Variants in ADCY1 observed in about 807,000 individuals in gnomAD.
ADCY1 encodes the protein adenylate cyclase type 1.
ADCY1 carries 28 observed loss-of-function variants against 105.4 expected under a neutral mutation model. That is an observed-to-expected ratio of 0.27 (90% CI 0.20 to 0.36). The LOEUF (loss-of-function observed/expected upper bound fraction) is 0.36, where lower values mean the gene tolerates loss of function less well. ADCY1 is among the 10% of genes least tolerant of loss of function. The pLI is 1.00. For synonymous variants in ADCY1, 655 were observed against 623.8 expected (o/e 1.05, Z -0.75); for missense variants, 977 against 1,434.2 (o/e 0.68, Z 5.15).
chr7:45,593,895 C>T (rs1167698833), intron 2 of ADCY1, among the ~76,000 whole-genome samples: 2 of 152,138 alleles, frequency 1.3e-5, no homozygotes, highest in African/African-American at 4.8e-5. Flanking sequence ...TGTGCATTGC[C>T]GTCTATGTGA....
chr7:45,626,181 G>A (rs1584281603), intron 4 of ADCY1, among the ~76,000 whole-genome samples: 1 of 152,246 alleles, frequency 6.6e-6, no homozygotes, highest in South Asian at 2.1e-4. Context: ...GAGCACAGAA[G>A]CAGCCACAAA....
At chr7:45,610,809 GGTGGAGGT>G (rs1793538180) in intron 3 of ADCY1, among the ~76,000 whole-genome samples, 2 of 151,678 alleles carry the variant, frequency 1.3e-5, no homozygotes, top group South Asian at 2.1e-4. Flanking sequence ...GGGAGGTGAT[GGTGGAGGT>G]ATGGAGGTGA....
chr7:45,704,223 C>T (rs1280017606), intron 16 of ADCY1, among the ~76,000 whole-genome samples: 1 of 152,158 alleles, frequency 6.6e-6, no homozygotes, highest in Non-Finnish European at 1.5e-5. Context: ...CCTCCAGGCC[C>T]CCCCCACCCC....
At chr7:45,682,345 G>T (rs1275299514) in intron 11 of ADCY1, among the ~76,000 whole-genome samples, 1 of 152,190 alleles carries the variant, frequency 6.6e-6, no homozygotes, top group Non-Finnish European at 1.5e-5. Flanking sequence ...AATGTCTGGG[G>T]CAGGATGTGG....
rs552854440 is a variant in ADCY1 at position 45,633,750 on chromosome 7, C to G, written c.1020+11007C>G. On this transcript the variant is annotated intron_variant, in intron 4 of 19. Coordinates refer to ENST00000297323, the MANE Select transcript of ADCY1 (RefSeq NM_021116.4). ...CCGGGAGGCAGAGGTTGCAGTGAGC[C>G]GAGATCGTGCCACTGCACTCCAGCC... 1.7e-4 allele frequency among the ~76,000 whole-genome samples: 25 copies of G among 145,150 alleles called. 1 individual carries two copies. In the South Asian group the frequency reaches 5.5e-3, roughly 32 times the overall value.
At chr7:45,627,473 A>G (rs1255980686) in intron 4 of ADCY1, among the ~76,000 whole-genome samples, 3 of 152,182 alleles carry the variant, frequency 2.0e-5, no homozygotes, top group Admixed American at 6.5e-5. Flanking sequence ...CTGAGTTGGC[A>G]CTGAGTCCCA....
chr7:45,575,281 G>A lies in ADCY1; in HGVS notation c.639+99G>A. The A allele has an allele frequency of 7.0e-7, 1 of 1,432,636 alleles. No individual in the cohort carries two copies. The highest frequency in any genetic ancestry group is 9.2e-7 in the Non-Finnish European group (1 of 1,084,356). 88.7% of individuals were successfully genotyped at this position (1,432,636 alleles called of 1,614,324 possible). ...GGGCGCGCTTTTTCCTATGCGGCGG[G>A]TGGGGACACTGAGGCTCCGAGTGGG... On this transcript the variant is annotated intron_variant, in intron 1 of 19. Transcript: ENST00000297323. This position sits in a 1 kb window ranked among gnomAD's most constrained non-coding sequence, Gnocchi z 4.7.
chr7:45,700,589 C>T (rs1256095937), intron 14 of ADCY1, among the ~76,000 whole-genome samples: 1 of 152,176 alleles, frequency 6.6e-6, no homozygotes, highest in Non-Finnish European at 1.5e-5. Flanking sequence ...GGGGAGAGGG[C>T]ATCACAAAGT....
In ADCY1 at chr7:45,716,502, G is replaced by A. The variant is rs1296116917; in HGVS notation, c.*2507G>A. On this transcript the variant is annotated 3_prime_UTR_variant, in exon 20 of 20. Transcript: ENST00000297323. Reference sequence around the variant, plus strand: ...CACAGGGAGCCTGTGAGGGAGTAGTGCGGTGGTGGTGAGTGTGGCTGCCCT... The same window carrying A: ...CACAGGGAGCCTGTGAGGGAGTAGTACGGTGGTGGTGAGTGTGGCTGCCCT... 1 of 153,264 alleles carries A rather than the reference G, an allele frequency of 6.5e-6. No homozygotes were observed. The highest frequency in any genetic ancestry group is 1.5e-5 in the Non-Finnish European group (1 of 68,898). 9.5% of individuals were successfully genotyped at this position (153,264 alleles called of 1,614,324 possible). A position where few individuals can be genotyped will look rare whatever the true frequency, so the allele number is the denominator to read the frequency against.
chr7:45,701,552 A>G (rs2116253950), intron 14 of ADCY1, among the ~76,000 whole-genome samples: 1 of 152,338 alleles, frequency 6.6e-6, no homozygotes, highest in East Asian at 1.9e-4. Context: ...AATAAATAAA[A>G]CAAAGCTATT....
chr7:45,609,236 G>A (rs1353045939), intron 2 of ADCY1, among the ~76,000 whole-genome samples: 4 of 152,196 alleles, frequency 2.6e-5, no homozygotes, highest in Non-Finnish European at 4.4e-5. Flanking sequence ...TGCTCCTTCC[G>A]AGAAAGTCAC....
At chr7:45,711,680 T>C (rs1054213696) in intron 19 of ADCY1, among the ~76,000 whole-genome samples, 1 of 142,906 alleles carries the variant, frequency 7.0e-6, no homozygotes. Context: ...TATACACATA[T>C]ATACACACAC....
intron 8 of ADCY1, among the ~76,000 whole-genome samples, chr7:45,665,213 TA>T (rs747680522): frequency 1.3e-5 from 2 of 152,266 alleles, no homozygotes; most frequent in Non-Finnish European, 2.9e-5. Flanking sequence ...ATATTTAGGT[TA>T]TTTCTGTTAT....
chr7:45,630,920 C>G (rs1014392911), intron 4 of ADCY1, among the ~76,000 whole-genome samples: 1 of 152,068 alleles, frequency 6.6e-6, no homozygotes, highest in African/African-American at 2.4e-5. Flanking sequence ...GAATTTCAGC[C>G]TACCACACAC....
chr7:45,656,511 T>G (rs1241829175), intron 5 of ADCY1, among the ~76,000 whole-genome samples: 1 of 152,058 alleles, frequency 6.6e-6, no homozygotes, highest in Non-Finnish European at 1.5e-5. Flanking sequence ...TGTGCTATGG[T>G]TTTTGGGCAC....
intron 16 of ADCY1, among the ~76,000 whole-genome samples, chr7:45,704,212 G>A (rs1460328113): frequency 6.6e-6 from 1 of 152,078 alleles, no homozygotes; most frequent in Non-Finnish European, 1.5e-5. Flanking sequence ...ACAGGTGGGT[G>A]CCTCCAGGCC....
At chr7:45,629,021 G>A (rs1368185793) in intron 4 of ADCY1, among the ~76,000 whole-genome samples, 1 of 152,188 alleles carries the variant, frequency 6.6e-6, no homozygotes, top group Non-Finnish European at 1.5e-5. Flanking sequence ...ATGTACACGT[G>A]TGAAGCCATC....
intron 14 of ADCY1, among the ~76,000 whole-genome samples, chr7:45,701,541 TAATA>T (rs1296339459): frequency 2.0e-5 from 3 of 152,236 alleles, no homozygotes; most frequent in Non-Finnish European, 4.4e-5. Context: ...TTTGTGCCAC[TAATA>T]AATAAAACAA....
chr7:45,704,858 C>G (rs1409757736), intron 17 of ADCY1, among the ~76,000 whole-genome samples: 1 of 152,012 alleles, frequency 6.6e-6, no homozygotes, highest in South Asian at 2.1e-4. Flanking sequence ...AGACACCTCC[C>G]CCTAGAACCC....
Sources: allele counts gnomAD v4.1 joint callset (sites outside exome capture counted in the v4.1 genomes callset), GRCh38; gene constraint gnomAD v4.1.1; non-coding constraint Gnocchi (gnomAD v3.1); transcripts MANE v1.5; gene names NCBI Gene and HGNC (gene_info 2026-07-23, HGNC 2026-07-21).